USP37: variants seen among roughly 807,000 people sequenced by gnomAD.
USP37 encodes ubiquitin specific peptidase 37.
Under a neutral mutation model 124.0 loss-of-function variants are expected in USP37, and 27 were observed. That is an observed-to-expected ratio of 0.22 (90% CI 0.16 to 0.30). The LOEUF is 0.30. Among genes scored for constraint, USP37 ranks in the 10% least tolerant of loss-of-function variants. The probability of loss-of-function intolerance (pLI) is 1.00; values close to 1 mark genes in which losing one functional copy is unlikely to be tolerated. For synonymous variants in USP37, 365 were observed against 388.0 expected (o/e 0.94, Z 0.70); for missense variants, 889 against 1,140.4 (o/e 0.78, Z 3.17).
chr2:218,551,662 A>G (rs920605764), intron 5 of USP37, among the ~76,000 whole-genome samples: 6 of 152,244 alleles, frequency 3.9e-5, no homozygotes, highest in Admixed American at 3.3e-4. Flanking sequence ...ATTTGAAGAC[A>G]TGCTTTTCTT....
chr2:218,459,293 T>C (rs684776), intron 23 of USP37, among the ~76,000 whole-genome samples: 100,888 of 151,994 alleles, frequency 0.66, 33,930 homozygotes, highest in East Asian at 0.9. Flanking sequence ...CCTCCTCCTC[T>C]TCCCAGGTTC....
chr2:218,460,149 A>G (rs1159627362), intron 22 of USP37, among the ~76,000 whole-genome samples: 1 of 151,170 alleles, frequency 6.6e-6, no homozygotes, highest in African/African-American at 2.4e-5. Flanking sequence ...AATCCCAGCT[A>G]CTTGGGAGGC....
At chr2:218,534,774 T>C in intron 8 of USP37, 68 bp from the exon 9 acceptor site, 3 of 1,051,676 alleles carry the variant, frequency 2.9e-6, no homozygotes, top group South Asian at 4.9e-5. Flanking sequence ...TTTTAAATAG[T>C]TGTCATTAAA....
At chr2:218,473,270 G>C (rs548438934) in intron 20 of USP37, 47 of 152,278 alleles carry the variant, frequency 3.1e-4, no homozygotes, top group Admixed American at 2.7e-3. Context: ...CAGAAAGCAG[G>C]AAATAAATCA....
chr2:218,510,227 T>A, intron 10 of USP37, 87 bp from the exon 11 acceptor site: 1 of 1,413,890 alleles, frequency 7.1e-7, no homozygotes, highest in Non-Finnish European at 9.5e-7. Flanking sequence ...AGTCAATGTT[T>A]AAGGAAAAAA....
chr2:218,563,366 C>T (rs1335557673), intron 1 of USP37, among the ~76,000 whole-genome samples: 2 of 152,172 alleles, frequency 1.3e-5, no homozygotes, highest in East Asian at 1.9e-4. Context: ...CCTTGTTCAA[C>T]TTGTACCTTG....
chr2:218,558,531 G>A lies in USP37; in HGVS notation c.123C>T (p.His41=). 1 of 1,613,076 alleles carries A rather than the reference G, an allele frequency of 6.2e-7. No homozygotes were observed. Among genetic ancestry groups the A allele is most frequent in the East Asian group, 2.2e-5 (1 of 44,780 alleles). ...TCCTTGGAATTCCTCCAGTATTGTA[G>A]TGAACTACTAGGCTGACTTTATTCT... The part of the protein sequence containing the change: ...EKENKVSLVV[H]YNTGGIPRIF... The change falls in exon 4 of 26, where the codon CAC becomes CAT. Residue 41 remains histidine (H), a synonymous_variant. Transcript: ENST00000258399.
intron 8 of USP37, among the ~76,000 whole-genome samples, chr2:218,545,908 G>A (rs1156795829): frequency 6.6e-6 from 1 of 151,992 alleles, no homozygotes; most frequent in Non-Finnish European, 1.5e-5. Context: ...GACAAGAAGG[G>A]GTTCACACTA....
intron 5 of USP37, among the ~76,000 whole-genome samples, chr2:218,552,397 T>A (rs1466833211): frequency 6.6e-6 from 1 of 152,134 alleles, no homozygotes; most frequent in Admixed American, 6.5e-5. Flanking sequence ...AGAGAACTCA[T>A]TTTAAGCAGA....
intron 10 of USP37, among the ~76,000 whole-genome samples, chr2:218,512,280 G>T (rs1451090501): frequency 6.6e-6 from 1 of 152,142 alleles, no homozygotes; most frequent in Admixed American, 6.6e-5. Context: ...GCCAACGGAG[G>T]CGCATCACCT....
intron 10 of USP37, among the ~76,000 whole-genome samples, chr2:218,511,320 T>C (rs1160815660): frequency 6.6e-6 from 1 of 152,102 alleles, no homozygotes; most frequent in African/African-American, 2.4e-5. Context: ...TAATTTTCTT[T>C]TTTTTGAGAT....
chr2:218,482,761 T>C (rs1395571229), intron 16 of USP37, among the ~76,000 whole-genome samples: 2 of 152,314 alleles, frequency 1.3e-5, no homozygotes, highest in Non-Finnish European at 2.9e-5. Flanking sequence ...TTTCCCCATT[T>C]AGAAAAAAGC....
intron 1 of USP37, among the ~76,000 whole-genome samples, chr2:218,565,710 C>T (rs186181309): frequency 6.6e-6 from 1 of 152,310 alleles, no homozygotes; most frequent in African/African-American, 2.4e-5. Context: ...AGCCTATATT[C>T]TAATAGGAGA....
At chr2:218,497,341 G>T (rs1245152167) in intron 13 of USP37, among the ~76,000 whole-genome samples, 1 of 150,336 alleles carries the variant, frequency 6.7e-6, no homozygotes, top group Non-Finnish European at 1.5e-5. Flanking sequence ...AAAGTGCTGG[G>T]ATTATAGGCG....
At chr2:218,480,293 G>A (rs1022711683) in intron 17 of USP37, among the ~76,000 whole-genome samples, 39 of 151,882 alleles carry the variant, frequency 2.6e-4, no homozygotes, top group African/African-American at 7.5e-4. Flanking sequence ...CCAGCTACGC[G>A]GGAGGCTGAC....
At chr2:218,553,788 TAATA>T (rs1029857587) in intron 4 of USP37, 64 bp from the exon 5 acceptor site, 22 of 1,421,086 alleles carry the variant, frequency 1.5e-5, no homozygotes, top group Middle Eastern at 2.1e-4. Flanking sequence ...ACAATCTGTA[TAATA>T]AATACTAAAC....
At chr2:218,470,966 A>G (rs1287577525) in intron 20 of USP37, among the ~76,000 whole-genome samples, 1 of 152,162 alleles carries the variant, frequency 6.6e-6, no homozygotes, top group Non-Finnish European at 1.5e-5. Flanking sequence ...AGGGAGGGAG[A>G]GAGGGAGGGA....
In USP37 at chr2:218,547,040, T is replaced by C. The variant is rs747499989; in HGVS notation, c.481A>G (p.Lys161Glu). The C allele has an allele frequency of 1.9e-6, 3 of 1,611,490 alleles. No homozygotes were observed. Among genetic ancestry groups the C allele is most frequent in the Non-Finnish European group, 2.5e-6 (3 of 1,179,428 alleles). ...LETKDDIPFR[K>E]VLGNPGRGSI... ...CCTCTACCCGGATTACCAAGAACTT[T>C]TCGAAATGGAATATCATCTTTAGTT... Residue 161 changes from lysine to glutamate, a missense_variant, in exon 7 of 26, where the codon AAA becomes GAA. Physicochemically the swap from Lys to Glu is moderately conservative, Grantham distance 56. Around this residue, in one of 3 missense-constraint regions of USP37, gnomAD observed 374 missense variants for 386.0 expected, o/e 0.97. Transcript: ENST00000258399.
chr2:218,532,700 C>CA (rs781303476), intron 9 of USP37, among the ~76,000 whole-genome samples: 2 of 151,874 alleles, frequency 1.3e-5, no homozygotes, highest in Non-Finnish European at 2.9e-5. Context: ...GAGGCTGAGG[C>CA]AGTGGATCAC....
Sources: gnomAD v4.1 joint callset for allele counts (sites outside exome capture counted in the v4.1 genomes callset) on GRCh38, gnomAD v4.1.1 for gene constraint, gnomAD v4.1.1 regional missense constraint, MANE v1.5 for transcripts, NCBI Gene and HGNC (gene_info 2026-07-23, HGNC 2026-07-21) for gene names.